The following FMN1 variants were observed in gnomAD, a reference collection of about 807,000 sequenced individuals.
FMN1 encodes formin-1.
FMN1 carries 110 observed loss-of-function variants against 132.4 expected under a neutral mutation model. That is an observed-to-expected ratio of 0.83 (90% CI 0.71 to 0.97). The LOEUF (loss-of-function observed/expected upper bound fraction) is 0.97. FMN1 is among the 50% of genes least tolerant of loss of function. FMN1 has a pLI of 0.00. For synonymous variants in FMN1, 722 were observed against 651.7 expected, an observed-to-expected ratio of 1.11 and a Z score of -1.64; for missense variants, 1,792 against 1,705.3, an observed-to-expected ratio of 1.05 and a Z score of -0.90.
At chr15:32,788,848 G>A (rs907649116) in intron 19 of FMN1, among the ~76,000 whole-genome samples, 2 of 152,180 alleles carry the variant, frequency 1.3e-5, no homozygotes, top group African/African-American at 2.4e-5. Context: ...CAAACTGAAA[G>A]TAATACAGTC....
At chr15:33,132,748 G>A (rs189079849) in intron 4 of FMN1, among the ~76,000 whole-genome samples, 1 of 152,052 alleles carries the variant, frequency 6.6e-6, no homozygotes, top group African/African-American at 2.4e-5. Context: ...ATTTCCTTTT[G>A]TAATTTCAGA....
intron 7 of FMN1, among the ~76,000 whole-genome samples, chr15:32,974,884 C>T (rs781159523): frequency 3.3e-5 from 5 of 152,140 alleles, no homozygotes; most frequent in African/African-American, 7.2e-5. Context: ...GGGAATGTTC[C>T]TTCATTGTCT....
At chr15:33,184,652 C>T (rs575636698) in intron 2 of FMN1, among the ~76,000 whole-genome samples, 154 of 152,022 alleles carry the variant, frequency 1.0e-3, no homozygotes, top group African/African-American at 3.5e-3. Context: ...TACAGGCGGG[C>T]GCCACCACAC....
rs151035921 is a variant in FMN1 at position 32,796,359 on chromosome 15, T to C, written c.4130+2445A>G. ...AGCACTTAGTTGGCCTTCCAATATA[T>C]TTAAAAATTAAGTGAGTTGAATTTT... On this transcript the variant is annotated intron_variant, in intron 19 of 20. Coordinates refer to ENST00000616417, the MANE Select transcript of FMN1 (RefSeq NM_001277313.2). Among the ~76,000 whole-genome samples the C allele has an allele frequency of 3.0e-3, 464 of 152,350 alleles. 8 individuals carry two copies. The highest frequency in any genetic ancestry group is 0.011 in the African/African-American group (443 of 41,592).
At chr15:33,049,227 A>C (rs552360712) in intron 6 of FMN1, among the ~76,000 whole-genome samples, 9 of 152,226 alleles carry the variant, frequency 5.9e-5, no homozygotes, top group African/African-American at 2.2e-4. Flanking sequence ...AATTTTTTTT[A>C]AACAAAATTA....
intron 5 of FMN1, among the ~76,000 whole-genome samples, chr15:33,082,393 T>C (rs1288796300): frequency 1.3e-5 from 2 of 152,124 alleles, no homozygotes; most frequent in Non-Finnish European, 2.9e-5. Context: ...CACCAGGATA[T>C]AATCCTAATG....
Position 33,154,825 on chromosome 15 carries a change from T to C in FMN1, c.90A>G (p.Arg30=). ...ISFCLPKGEV[R]GFSYKGTVTL... is the part of the protein sequence containing the mutation. ...TTACAGTGCCCTTGTATGAAAATCC[T>C]CTGACTTCCCCCTTTGGAAGACAGA... The change falls in exon 4 of 21, where the codon AGA becomes AGG. Residue 30 remains arginine (R), a synonymous_variant. Coordinates refer to ENST00000616417, the MANE Select transcript of FMN1 (RefSeq NM_001277313.2). The C allele has an allele frequency of 6.5e-7, 1 of 1,536,198 alleles. No homozygotes were observed. Among genetic ancestry groups the C allele is most frequent in the Non-Finnish European group, 8.7e-7 (1 of 1,146,928 alleles).
In FMN1 at chr15:32,765,810, T is replaced by TAA. The variant is rs2056027897; in HGVS notation, c.*8498_*8499dup. 1 of 152,142 alleles carries TAA rather than the reference T, an allele frequency of 6.6e-6. No individual in the cohort carries two copies. Among genetic ancestry groups the TAA allele is most frequent in the Non-Finnish European group, 1.5e-5 (1 of 68,026 alleles). 9.4% of individuals were successfully genotyped at this position (152,142 alleles called of 1,614,324 possible). A position where few individuals can be genotyped will look rare whatever the true frequency, so the allele number is the denominator to read the frequency against. On this transcript the variant is annotated 3_prime_UTR_variant, in exon 21 of 21. Transcript: ENST00000616417. The stretch of plus-strand genomic sequence containing the variant: ...TCAAGGAGGAAAAAATATATATATA[T>TAA]AATACACACATTTTTATTATGTACA...
intron 6 of FMN1, among the ~76,000 whole-genome samples, chr15:33,008,340 G>C (rs937822478): frequency 8.5e-5 from 13 of 152,100 alleles, no homozygotes; most frequent in African/African-American, 2.9e-4. Flanking sequence ...GGGATGATGA[G>C]TGTGTTCCAG....
At chr15:33,136,568 A>G (rs890724844) in intron 4 of FMN1, among the ~76,000 whole-genome samples, 2 of 152,196 alleles carry the variant, frequency 1.3e-5, no homozygotes. Context: ...ATTTCCTCCT[A>G]AAAACAGAAG....
At chr15:32,900,168 T>G in intron 13 of FMN1, 43 bp from the exon 14 acceptor site, 2 of 1,607,824 alleles carry the variant, frequency 1.2e-6, no homozygotes, top group Non-Finnish European at 1.7e-6. Flanking sequence ...GAACTCCAAA[T>G]GCACCCATGT....
intron 6 of FMN1, among the ~76,000 whole-genome samples, chr15:33,054,129 T>C (rs1289586639): frequency 6.6e-6 from 1 of 152,180 alleles, no homozygotes; most frequent in East Asian, 1.9e-4. Context: ...GTCATCTCAT[T>C]TGCATAAACT....
chr15:33,072,956 C>G (rs1364913687), intron 5 of FMN1, among the ~76,000 whole-genome samples: 1 of 151,534 alleles, frequency 6.6e-6, no homozygotes, highest in African/African-American at 2.4e-5. Context: ...GAACATCAGT[C>G]TAGTAAGTGT....
At chr15:33,051,104 G>A (rs1162442852) in intron 6 of FMN1, among the ~76,000 whole-genome samples, 2 of 152,186 alleles carry the variant, frequency 1.3e-5, no homozygotes, top group African/African-American at 2.4e-5. Flanking sequence ...AAGGCAGAGG[G>A]ATCGGGGGAT....
intron 6 of FMN1, among the ~76,000 whole-genome samples, chr15:33,016,945 G>A (rs1376030195): frequency 1.3e-5 from 2 of 152,180 alleles, no homozygotes; most frequent in East Asian, 3.9e-4. Flanking sequence ...GGACCAGCTT[G>A]AGAGGCCTGT....
At chr15:32,820,575 C>A (rs561165534) in intron 17 of FMN1, among the ~76,000 whole-genome samples, 2 of 152,192 alleles carry the variant, frequency 1.3e-5, no homozygotes, top group East Asian at 3.9e-4. Context: ...TTGGGAGTAT[C>A]CTTCCAGAAC....
chr15:32,985,163 C>T (rs180804520), intron 7 of FMN1, among the ~76,000 whole-genome samples: 47 of 152,170 alleles, frequency 3.1e-4, no homozygotes, highest in Non-Finnish European at 4.7e-4. Flanking sequence ...TAGGTTGCCA[C>T]CATTTGCTAA....
At chr15:33,045,808 T>C (rs898881859) in intron 6 of FMN1, among the ~76,000 whole-genome samples, 1 of 152,174 alleles carries the variant, frequency 6.6e-6, no homozygotes, top group African/African-American at 2.4e-5. Context: ...TCATTTTTCG[T>C]GCACATGTAG....
intron 6 of FMN1, among the ~76,000 whole-genome samples, chr15:33,015,388 A>C (rs1305996076): frequency 6.6e-6 from 1 of 152,176 alleles, no homozygotes. Context: ...TGGCACCGAC[A>C]AGTTCTGTGA....
Sources: gnomAD v4.1 joint callset for allele counts (sites outside exome capture counted in the v4.1 genomes callset) on GRCh38, gnomAD v4.1.1 for gene constraint, MANE v1.5 for transcripts, NCBI Gene and HGNC (gene_info 2026-07-23, HGNC 2026-07-21) for gene names.